FBXO44: variants seen among roughly 807,000 people sequenced by gnomAD.
FBXO44 encodes F-box only protein 44.
A neutral mutation model predicts 33.5 loss-of-function variants in FBXO44; 25 were observed. That is an observed-to-expected ratio of 0.75 (90% CI 0.54 to 1.04). The LOEUF (loss-of-function observed/expected upper bound fraction) is 1.04, where lower values mean the gene tolerates loss of function less well. FBXO44 is among the 50% of genes least tolerant of loss of function. The pLI is 0.00. For missense variants in FBXO44, 311 were observed against 344.0 expected, an observed-to-expected ratio of 0.90 and a Z score of 0.76; for synonymous variants, 147 against 152.8, an observed-to-expected ratio of 0.96 and a Z score of 0.28.
rs1030237617 is a variant in FBXO44, at chr1:11,661,463, C to T, written c.*190C>T. The T allele has an allele frequency of 2.3e-5, 18 of 796,438 alleles. No individual in the cohort carries two copies. The highest frequency in any genetic ancestry group is 1.7e-4 in the African/African-American group (10 of 57,392). 49.3% of individuals were successfully genotyped at this position (796,438 alleles called of 1,614,324 possible). A position where few individuals can be genotyped will look rare whatever the true frequency, so the allele number is the denominator to read the frequency against. On this transcript the variant is annotated 3_prime_UTR_variant, in exon 6 of 6. Transcript: ENST00000251547. This position sits in a 1 kb window ranked among gnomAD's most constrained non-coding sequence, Gnocchi z 4.4. Reference sequence around the variant, plus strand: ...ATGCTGGGGTCGGGCCAGCTCTCCCCGAAAGGTCTTGACCTGAATGATGGC... The same window carrying T: ...ATGCTGGGGTCGGGCCAGCTCTCCCTGAAAGGTCTTGACCTGAATGATGGC...
chr1:11,657,777 G>A (rs1299967993), intron 2 of FBXO44, among the ~76,000 whole-genome samples: 2 of 152,074 alleles, frequency 1.3e-5, no homozygotes, highest in African/African-American at 2.4e-5. Flanking sequence ...GTGTTTTTAA[G>A]GGGTTATAGG....
Position 11,661,223 on chromosome 1 carries a change from G to A in FBXO44, c.718G>A (p.Gly240Ser), listed in dbSNP as rs1446958523. 18 of 1,614,098 alleles carry A rather than the reference G, an allele frequency of 1.1e-5. No homozygotes were observed. The highest frequency in any genetic ancestry group is 4.5e-5 in the East Asian group (2 of 44,864). ...VDTHYWAGWY[G>S]PRVTNSSITI... is the part of the protein sequence containing the mutation. Reference sequence around the variant, plus strand: ...CACTCATTACTGGGCCGGCTGGTACGGCCCGAGGGTCACCAACAGCAGCAT... The same window carrying A: ...CACTCATTACTGGGCCGGCTGGTACAGCCCGAGGGTCACCAACAGCAGCAT... The change falls in exon 6 of 6, where the codon GGC becomes AGC. Residue 240 changes from glycine to serine, a missense_variant. By Grantham distance (56) the Gly-to-Ser change is moderately conservative. Coordinates refer to ENST00000251547, the MANE Select transcript of FBXO44 (RefSeq NM_033182.7). This position sits in a 1 kb window ranked among gnomAD's most constrained non-coding sequence, Gnocchi z 4.4.
rs373017860 is a variant in FBXO44 at position 11,656,059 on chromosome 1, G to A, written c.224G>A (p.Arg75Gln). ...VADWKIFYFL[R>Q]SLHRNLLHNP... is the part of the protein sequence containing the mutation. ...GACTGGAAGATCTTCTACTTCTTAC[G>A]GAGCCTGCACAGGAACCTCCTGCAC... The change falls in exon 2 of 6, where the codon CGG becomes CAG. Residue 75 changes from arginine to glutamine, a missense_variant. By Grantham distance (43) the Arg-to-Gln change is conservative. Transcript: ENST00000251547. The A allele has an allele frequency of 7.4e-5, 120 of 1,613,990 alleles. No individual in the cohort carries two copies. The highest frequency in any genetic ancestry group is 9.7e-5 in the Non-Finnish European group (114 of 1,180,024).
chr1:11,658,019 C>G (rs1403895138), intron 2 of FBXO44, among the ~76,000 whole-genome samples: 1 of 152,168 alleles, frequency 6.6e-6, no homozygotes, highest in Non-Finnish European at 1.5e-5. Context: ...AGAGCGTTCT[C>G]CATCACAGAA....
At chr1:11,658,202 G>A in intron 2 of FBXO44, 65 bp from the exon 3 acceptor site, 1 of 1,605,356 alleles carries the variant, frequency 6.2e-7, no homozygotes. Flanking sequence ...GGGGAGGAAG[G>A]GGCATTTGGG....
chr1:11,660,297 G>T (rs890604942), intron 5 of FBXO44, among the ~76,000 whole-genome samples: 3 of 152,146 alleles, frequency 2.0e-5, no homozygotes, highest in Non-Finnish European at 4.4e-5. Context: ...GAGTAGCTGG[G>T]ATTACAGGCA....
chr1:11,661,383 C>T lies in FBXO44; in HGVS notation c.*110C>T. 2 of 1,497,098 alleles carry T rather than the reference C, an allele frequency of 1.3e-6. No individual in the cohort carries two copies. The highest frequency in any genetic ancestry group is 1.2e-5 in the South Asian group (1 of 80,068). The allele number at this position is 1,497,098 out of a possible 1,614,324, so 92.7% of individuals were successfully genotyped here. A position where few individuals can be genotyped will look rare whatever the true frequency, so the allele number is the denominator to read the frequency against. ...GGCCAGGTGTCCCCAGACCTCTAAC[C>T]CTTGCCCCTAGCAGCCTCTTCTTTG... On this transcript the variant is annotated 3_prime_UTR_variant, in exon 6 of 6. Coordinates refer to ENST00000251547, the MANE Select transcript of FBXO44 (RefSeq NM_033182.7). This position sits in a 1 kb window ranked among gnomAD's most constrained non-coding sequence, Gnocchi z 4.4.
rs201900440 is a variant in FBXO44 at position 11,657,203 on chromosome 1, AAAG to A, written c.266-1052_266-1050del. ...TTTTTACATTTTTAAAGTGTTATAA[AAAG>A]AAGAAGAAGAAACAACAAAAAACTA... On this transcript the variant is annotated intron_variant, in intron 2 of 5. Coordinates refer to ENST00000251547, the MANE Select transcript of FBXO44 (RefSeq NM_033182.7). 3.5e-3 allele frequency among the ~76,000 whole-genome samples: 534 copies of A among 152,340 alleles called. 2 individuals carry two copies. Among genetic ancestry groups the A allele is most frequent in the African/African-American group, 0.011 (463 of 41,568 alleles).
In FBXO44 at chr1:11,661,150, C is replaced by A; in HGVS notation, c.645C>A (p.Asn215Lys). 1 of 1,613,520 alleles carries A rather than the reference C, an allele frequency of 6.2e-7. No homozygotes were observed. Among genetic ancestry groups the A allele is most frequent in the Non-Finnish European group, 8.5e-7 (1 of 1,179,540 alleles). ...GCCAGGTCTCCCACACATTCTCCAA[C>A]TACCCGCCCGGCGTCCGCTACATCT... ...KWREVSHTFS[N>K]YPPGVRYIWF... The change falls in exon 6 of 6, where the codon AAC becomes AAA. Residue 215 changes from asparagine (N) to lysine (K), a missense_variant. Physicochemically the swap from Asn to Lys is moderately conservative, Grantham distance 94 (BLOSUM62 0). Coordinates refer to ENST00000251547, the MANE Select transcript of FBXO44 (RefSeq NM_033182.7). This position sits in a 1 kb window ranked among gnomAD's most constrained non-coding sequence, Gnocchi z 4.4.
At chr1:11,660,921 G>A (rs931946000) in intron 5 of FBXO44, among the ~76,000 whole-genome samples, 8 of 151,968 alleles carry the variant, frequency 5.3e-5, no homozygotes, top group African/African-American at 1.9e-4. Context: ...AGAACTACAG[G>A]CACACACCAC....
chr1:11,660,920 G>A (rs1461744386), intron 5 of FBXO44, among the ~76,000 whole-genome samples: 1 of 152,058 alleles, frequency 6.6e-6, no homozygotes, highest in East Asian at 1.9e-4. Context: ...TAGAACTACA[G>A]GCACACACCA....
chr1:11,661,432 C>T lies in FBXO44; in HGVS notation c.*159C>T, dbSNP rs187791597. ...TGTGGAGCCTCTCAGTGTGGGCAGC[C>T]CTCGCATGCTGGGGTCGGGCCAGCT... On this transcript the variant is annotated 3_prime_UTR_variant, in exon 6 of 6. Transcript: ENST00000251547. This position sits in a 1 kb window ranked among gnomAD's most constrained non-coding sequence, Gnocchi z 4.4. 3.9e-4 allele frequency: 443 copies of T among 1,125,270 alleles called. 1 individual carries two copies. The highest frequency in any genetic ancestry group is 8.9e-4 in the South Asian group (55 of 61,770). The allele number at this position is 1,125,270 out of a possible 1,614,324, so 69.7% of individuals were successfully genotyped here.
rs201278370 is a variant in FBXO44, at chr1:11,661,185, A to C, written c.680A>C (p.His227Pro). The change falls in exon 6 of 6, where the codon CAC (histidine) becomes CCC (proline). Residue 227 changes from histidine to proline, a missense_variant. His to Pro is a moderately conservative substitution (Grantham distance 77, BLOSUM62 -2). Coordinates refer to ENST00000251547, the MANE Select transcript of FBXO44 (RefSeq NM_033182.7). This position sits in a 1 kb window ranked among gnomAD's most constrained non-coding sequence, Gnocchi z 4.4. ...PPGVRYIWFQ[H>P]GGVDTHYWAG... ...GGCGTCCGCTACATCTGGTTTCAGC[A>C]CGGCGGCGTGGACACTCATTACTGG... 1 of 1,614,020 alleles carries C rather than the reference A, an allele frequency of 6.2e-7. No homozygotes were observed. The highest frequency in any genetic ancestry group is 2.2e-5 in the East Asian group (1 of 44,854).
chr1:11,660,839 G>A (rs557474719), intron 5 of FBXO44, among the ~76,000 whole-genome samples: 6 of 152,146 alleles, frequency 3.9e-5, no homozygotes, highest in East Asian at 3.9e-4. Context: ...AGGCTGGAGC[G>A]CAGTGACGTG....
In FBXO44 at chr1:11,662,543, C is replaced by T. The variant is rs1570259497; in HGVS notation, c.*1270C>T. 1 of 152,288 alleles carries T rather than the reference C, an allele frequency of 6.6e-6. No individual in the cohort carries two copies. The highest frequency in any genetic ancestry group is 2.4e-5 in the African/African-American group (1 of 41,462). 9.4% of individuals were successfully genotyped at this position (152,288 alleles called of 1,614,324 possible). On this transcript the variant is annotated 3_prime_UTR_variant, in exon 6 of 6. Coordinates refer to ENST00000251547, the MANE Select transcript of FBXO44 (RefSeq NM_033182.7). ...CTGGGGTTGGGGTGTGTGGACATCT[C>T]TGGGCAGCTCTTGAGTCCACCTTGT...
rs1640182782 is a variant in FBXO44 at position 11,661,404 on chromosome 1, C to A, written c.*131C>A. 3.7e-6 allele frequency: 5 copies of A among 1,361,932 alleles called. No individual in the cohort carries two copies. The highest frequency in any genetic ancestry group is 5.0e-6 in the Non-Finnish European group (5 of 996,090). 84.4% of individuals were successfully genotyped at this position (1,361,932 alleles called of 1,614,324 possible). ...TAACCCTTGCCCCTAGCAGCCTCTTCTTTGTGGAGCCTCTCAGTGTGGGCA... is the reference window on the plus strand; with the variant it reads ...TAACCCTTGCCCCTAGCAGCCTCTTATTTGTGGAGCCTCTCAGTGTGGGCA... On this transcript the variant is annotated 3_prime_UTR_variant, in exon 6 of 6. Transcript: ENST00000251547. The surrounding 1 kb of genome is among the most constrained non-coding windows in gnomAD (Gnocchi z 4.4).
Position 11,655,984 on chromosome 1 carries a change from A to T in FBXO44, c.149A>T (p.Lys50Met), listed in dbSNP as rs757851250. The change falls in exon 2 of 6, where the codon AAG (lysine) becomes ATG (methionine). Residue 50 changes from lysine to methionine, a missense_variant. By Grantham distance (95) the Lys-to-Met change is moderately conservative (BLOSUM62 -1). Coordinates refer to ENST00000251547, the MANE Select transcript of FBXO44 (RefSeq NM_033182.7). ...GACCTCGTGACCCTCTGGAAACGCA[A>T]GTGCCTGCGAGAGGGCTTCATCACT... ...LIDLVTLWKR[K>M]CLREGFITED... The T allele has an allele frequency of 6.2e-7, 1 of 1,614,050 alleles. No homozygotes were observed.
Position 11,662,146 on chromosome 1 carries a change from C to T in FBXO44, c.*873C>T, listed in dbSNP as rs1640223997. The T allele has an allele frequency of 6.6e-6, 1 of 152,064 alleles. No individual in the cohort carries two copies. Among genetic ancestry groups the T allele is most frequent in the South Asian group, 2.1e-4 (1 of 4,822 alleles). 9.4% of individuals were successfully genotyped at this position (152,064 alleles called of 1,614,324 possible). A position where few individuals can be genotyped will look rare whatever the true frequency, so the allele number is the denominator to read the frequency against. On this transcript the variant is annotated 3_prime_UTR_variant, in exon 6 of 6. Transcript: ENST00000251547. The stretch of plus-strand genomic sequence containing the variant: ...CTTGGAGAGCATTCCAAGCCCCCAC[C>T]CCACCCCTAGAACTGCCATTCCCAA...
At chr1:11,658,419 G>A (rs1570244066) in intron 3 of FBXO44, 26 bp downstream of exon 3, 1 of 1,613,588 alleles carries the variant, frequency 6.2e-7, no homozygotes, top group Non-Finnish European at 8.5e-7. Context: ...TTGGGGTAGG[G>A]GAAAGCCCAA....
Sources: allele counts gnomAD v4.1 joint callset (sites outside exome capture counted in the v4.1 genomes callset), GRCh38; gene constraint gnomAD v4.1.1; non-coding constraint Gnocchi (gnomAD v3.1); transcripts MANE v1.5; gene names NCBI Gene and HGNC (gene_info 2026-07-23, HGNC 2026-07-21).